DDAH1: variants seen among roughly 807,000 people sequenced by gnomAD.
DDAH1 encodes the protein dimethylarginine dimethylaminohydrolase 1, also known as N(G),N(G)-dimethylarginine dimethylaminohydrolase 1.
Under a neutral mutation model 28.8 loss-of-function variants are expected in DDAH1, and 19 were observed. The observed-to-expected ratio is 0.66, with a 90% CI of 0.46 to 0.97. The LOEUF (loss-of-function observed/expected upper bound fraction) is 0.97, where lower values mean the gene tolerates loss of function less well. DDAH1 is among the 50% of genes least tolerant of loss of function. The pLI is 0.00. For synonymous variants in DDAH1, 153 were observed against 154.4 expected, an observed-to-expected ratio of 0.99 and a Z score of 0.07; for missense variants, 326 against 375.9, an observed-to-expected ratio of 0.87 and a Z score of 1.10.
rs181480363 is a variant in DDAH1, at chr1:85,506,590, C to T, written c.-122-10309G>A. Among the ~76,000 whole-genome samples, 5 of 152,270 alleles carry T rather than the reference C, an allele frequency of 3.3e-5. No individual in the cohort carries two copies. In the East Asian group the frequency reaches 9.6e-4, roughly 29 times the overall value. On this transcript the variant is annotated intron_variant, in intron 1 of 6. Transcript: ENST00000426972. ...ACCCACAACTTAAACTCTTTTATTC[C>T]CAGCCCTCTATGCGGGCATTTGAGT...
At chr1:85,368,573 G>A (rs1008381107) in intron 1 of DDAH1, among the ~76,000 whole-genome samples, 2 of 152,124 alleles carry the variant, frequency 1.3e-5, no homozygotes, top group Non-Finnish European at 2.9e-5. Flanking sequence ...TCAATTCCTT[G>A]TTGACGATAA....
chr1:85,541,642 C>T lies in DDAH1; in HGVS notation c.-123+36342G>A, dbSNP rs571918890. ...TAGAGTTCACAGAAATTTTTAAACA[C>T]TTTGCTACAGACTGAATATTGTGTC... On this transcript the variant is annotated intron_variant, in intron 1 of 6. Transcript: ENST00000426972. 2.7e-3 allele frequency among the ~76,000 whole-genome samples: 414 copies of T among 152,298 alleles called. 2 individuals are homozygous for T. The highest frequency in any genetic ancestry group is 4.9e-3 in the Non-Finnish European group (333 of 68,028).
At position 85,557,730 on chromosome 1, in the gene DDAH1, T is replaced by C. The variant is rs116671538; in HGVS notation, c.-123+20254A>G. On this transcript the variant is annotated intron_variant, in intron 1 of 6. Coordinates refer to the DDAH1 transcript ENST00000426972. ...TAGGGTCTTTAAAGAGGTAATTAGG[T>C]TAAGTGAGATCATTCAGGGGGCCCT... 9.0e-4 allele frequency among the ~76,000 whole-genome samples: 137 copies of C among 152,228 alleles called. 1 individual carries two copies. The highest frequency in any genetic ancestry group is 3.1e-3 in the African/African-American group (129 of 41,542).
intron 1 of DDAH1, among the ~76,000 whole-genome samples, chr1:85,525,289 G>T (rs1420063896): frequency 6.6e-6 from 1 of 151,774 alleles, no homozygotes; most frequent in Non-Finnish European, 1.5e-5. Context: ...TCTTTCATAA[G>T]AATCCACTCG....
intron 1 of DDAH1, among the ~76,000 whole-genome samples, chr1:85,419,225 C>G (rs1460548911): frequency 6.6e-6 from 1 of 152,016 alleles, no homozygotes; most frequent in East Asian, 1.9e-4. Flanking sequence ...AGTGCTCCTT[C>G]AAACAGTAGC....
At chr1:85,572,660 A>G (rs1344796192) in intron 1 of DDAH1, among the ~76,000 whole-genome samples, 2 of 152,258 alleles carry the variant, frequency 1.3e-5, no homozygotes, top group Non-Finnish European at 2.9e-5. Context: ...CCAAGTGCTA[A>G]GGCCAAGTGT....
chr1:85,368,463 A>C (rs1650193398), intron 1 of DDAH1, among the ~76,000 whole-genome samples: 2 of 152,182 alleles, frequency 1.3e-5, no homozygotes, highest in Admixed American at 1.3e-4. Flanking sequence ...TTCCCGGAAG[A>C]AGGCTGGAAG....
At chr1:85,562,666 C>T (rs1160016473) in intron 1 of DDAH1, among the ~76,000 whole-genome samples, 1 of 152,132 alleles carries the variant, frequency 6.6e-6, no homozygotes, top group Non-Finnish European at 1.5e-5. Context: ...GACGCATACA[C>T]AAACCAAGGA....
intron 1 of DDAH1, among the ~76,000 whole-genome samples, chr1:85,523,714 A>T (rs1365640471): frequency 5.3e-5 from 8 of 152,180 alleles, no homozygotes; most frequent in African/African-American, 1.9e-4. Flanking sequence ...AATGCCCAAA[A>T]AGTATCAGCT....
chr1:85,558,295 G>A (rs1659042073), intron 1 of DDAH1, among the ~76,000 whole-genome samples: 1 of 152,238 alleles, frequency 6.6e-6, no homozygotes, highest in Non-Finnish European at 1.5e-5. Context: ...CCAGGAGGCA[G>A]AGGTTGCAGT....
rs547342304 is a variant in DDAH1, at chr1:85,410,211, G to A, written c.304-51364C>T. Among the ~76,000 whole-genome samples, 37 of 152,284 alleles carry A rather than the reference G, an allele frequency of 2.4e-4. No individual in the cohort carries two copies. The South Asian group carries it at 7.5e-3, about 31-fold the overall frequency. ...TGGGATAATCGCCTGAGCCTGGGAGGTGGAGACTGCAGTGAGCTGTGATCA... is the reference window on the plus strand; with the variant it reads ...TGGGATAATCGCCTGAGCCTGGGAGATGGAGACTGCAGTGAGCTGTGATCA... On this transcript the variant is annotated intron_variant, in intron 1 of 5. Coordinates refer to ENST00000284031, the MANE Select transcript of DDAH1 (RefSeq NM_012137.4).
intron 1 of DDAH1, among the ~76,000 whole-genome samples, chr1:85,540,147 G>T (rs1015382006): frequency 6.6e-6 from 1 of 151,928 alleles, no homozygotes; most frequent in Non-Finnish European, 1.5e-5. Context: ...AAAATAATGT[G>T]AATCTTAGAA....
At chr1:85,498,131 C>T (rs1557693926) in intron 1 of DDAH1, among the ~76,000 whole-genome samples, 1 of 152,160 alleles carries the variant, frequency 6.6e-6, no homozygotes, top group Non-Finnish European at 1.5e-5. Flanking sequence ...CAGTATTTCC[C>T]TTCCTCTCTA....
chr1:85,333,576 A>G (rs1483544943), intron 4 of DDAH1, among the ~76,000 whole-genome samples: 2 of 152,198 alleles, frequency 1.3e-5, no homozygotes, highest in Non-Finnish European at 2.9e-5. Context: ...AACAATAAAA[A>G]GAAATTAAAA....
At chr1:85,403,337 GA>G (rs200062968) in intron 1 of DDAH1, among the ~76,000 whole-genome samples, 2 of 150,764 alleles carry the variant, frequency 1.3e-5, no homozygotes, top group East Asian at 1.9e-4. Context: ...TATATCCAAA[GA>G]AAAAAAAATC....
chr1:85,465,039 C>G lies in DDAH1; in HGVS notation c.7G>C (p.Gly3Arg), dbSNP rs1655308405. ...CCGAAGGCGGCGGGGTGGCCGAGCCCGGCCATGGCTTCGGGAGGCTTAGGG... is the reference window on the plus strand; with the variant it reads ...CCGAAGGCGGCGGGGTGGCCGAGCCGGGCCATGGCTTCGGGAGGCTTAGGG... The part of the protein sequence containing the change: MA[G>R]LGHPAAFGRA... The change falls in exon 1 of 6, where the codon GGG (glycine) becomes CGG (arginine). Residue 3 changes from glycine to arginine, a missense_variant. By Grantham distance (125) the Gly-to-Arg change is moderately radical. Coordinates refer to ENST00000284031, the MANE Select transcript of DDAH1 (RefSeq NM_012137.4). The G allele has an allele frequency of 3.1e-6, 4 of 1,310,886 alleles. No homozygotes were observed. The highest frequency in any genetic ancestry group is 3.9e-6 in the Non-Finnish European group (4 of 1,033,022). 81.2% of individuals were successfully genotyped at this position (1,310,886 alleles called of 1,614,324 possible).
intron 1 of DDAH1, among the ~76,000 whole-genome samples, chr1:85,441,829 A>G (rs1040323418): frequency 6.6e-6 from 1 of 152,224 alleles, no homozygotes; most frequent in Non-Finnish European, 1.5e-5. Context: ...GATCTGTCTT[A>G]TATCACATCT....
chr1:85,347,025 T>A (rs1648892696), intron 4 of DDAH1, among the ~76,000 whole-genome samples: 1 of 152,088 alleles, frequency 6.6e-6, no homozygotes, highest in South Asian at 2.1e-4. Flanking sequence ...ATGCTCATCA[T>A]CACTGGCCAT....
chr1:85,490,349 T>A (rs574820759), intron 2 of DDAH1, among the ~76,000 whole-genome samples: 28 of 152,244 alleles, frequency 1.8e-4, no homozygotes, highest in African/African-American at 6.5e-4. Flanking sequence ...GATGTTGGCA[T>A]AAAAAGTCAA....
Sources: allele counts gnomAD v4.1 joint callset (sites outside exome capture counted in the v4.1 genomes callset), GRCh38; gene constraint gnomAD v4.1.1; transcripts MANE v1.5; gene names NCBI Gene and HGNC (gene_info 2026-07-23, HGNC 2026-07-21).